LRRC4C: variants seen among roughly 807,000 people sequenced by gnomAD.
LRRC4C encodes the protein leucine rich repeat containing 4C, also known as leucine-rich repeat-containing protein 4C.
LRRC4C carries 5 observed loss-of-function variants against 33.6 expected under a neutral mutation model. The ratio of observed to expected loss-of-function variants is 0.15; its 90% CI spans 0.08 to 0.31. LRRC4C has a LOEUF of 0.31. Ranked by LOEUF, LRRC4C falls within the 10% of genes least tolerant of loss-of-function variation. The pLI, the probability that LRRC4C is intolerant of heterozygous loss-of-function variation, is 1.00. For missense variants in LRRC4C, 560 were observed against 796.7 expected (o/e 0.70, Z 3.58); for synonymous variants, 329 against 302.0 (o/e 1.09, Z -0.93).
At chr11:41,301,690 T>C (rs1447125) in intron 1 of LRRC4C, among the ~76,000 whole-genome samples, 109,783 of 152,014 alleles carry the variant, frequency 0.72, 40,560 homozygotes, top group Admixed American at 0.82. Context: ...CATCTTTTTA[T>C]GACTTTCATG....
chr11:40,539,133 G>A (rs142224817), intron 3 of LRRC4C, among the ~76,000 whole-genome samples: 2 of 152,218 alleles, frequency 1.3e-5, no homozygotes, highest in Non-Finnish European at 2.9e-5. Context: ...TAAATATGAT[G>A]CTGCTAATGT....
intron 2 of LRRC4C, among the ~76,000 whole-genome samples, chr11:40,786,535 T>C (rs192832837): frequency 6.6e-6 from 1 of 152,252 alleles, no homozygotes; most frequent in African/African-American, 2.4e-5. Context: ...TAAACGTATA[T>C]CATATACCTC....
At chr11:40,271,168 T>G (rs1000346213) in intron 4 of LRRC4C, among the ~76,000 whole-genome samples, 2 of 152,160 alleles carry the variant, frequency 1.3e-5, no homozygotes, top group African/African-American at 4.8e-5. Context: ...TAAGAAAATG[T>G]AACTGGTCTC....
At chr11:40,161,645 C>G (rs917098970) in intron 5 of LRRC4C, among the ~76,000 whole-genome samples, 14 of 152,140 alleles carry the variant, frequency 9.2e-5, no homozygotes, top group African/African-American at 3.4e-4. Context: ...GTCCTAACTA[C>G]TCGGGAGGCT....
At chr11:40,144,090 AT>A (rs1247244950) in intron 5 of LRRC4C, among the ~76,000 whole-genome samples, 10 of 152,182 alleles carry the variant, frequency 6.6e-5, no homozygotes, top group African/African-American at 1.2e-4. Context: ...AAGTTATATA[AT>A]TTTTTTAGGT....
intron 5 of LRRC4C, among the ~76,000 whole-genome samples, chr11:40,157,941 A>C (rs958273765): frequency 2.6e-5 from 4 of 152,192 alleles, no homozygotes; most frequent in African/African-American, 9.6e-5. Context: ...AGAAGTCATT[A>C]TTTGAAAAAG....
chr11:40,543,994 T>C (rs1456433419), intron 3 of LRRC4C, among the ~76,000 whole-genome samples: 1 of 152,090 alleles, frequency 6.6e-6, no homozygotes, highest in African/African-American at 2.4e-5. Context: ...TCAGCATCTA[T>C]ATATAGACGG....
intron 3 of LRRC4C, among the ~76,000 whole-genome samples, chr11:40,464,730 C>G (rs577289159): frequency 6.6e-6 from 1 of 151,836 alleles, no homozygotes; most frequent in African/African-American, 2.4e-5. Context: ...TTAATAATAG[C>G]TACCAGTAAA....
intron 3 of LRRC4C, among the ~76,000 whole-genome samples, chr11:40,452,334 G>GA (rs1029175345): frequency 3.3e-5 from 5 of 151,776 alleles, no homozygotes; most frequent in South Asian, 4.2e-4. Context: ...AAATTTACAA[G>GA]AAAAAAACAA....
At chr11:40,834,122 A>T (rs1952546221) in intron 2 of LRRC4C, among the ~76,000 whole-genome samples, 1 of 152,164 alleles carries the variant, frequency 6.6e-6, no homozygotes, top group Non-Finnish European at 1.5e-5. Flanking sequence ...AGTTAAAAAA[A>T]ATAATCTCAC....
At chr11:41,141,104 G>T (rs1310928123) in intron 1 of LRRC4C, among the ~76,000 whole-genome samples, 2 of 152,080 alleles carry the variant, frequency 1.3e-5, no homozygotes, top group Non-Finnish European at 2.9e-5. Context: ...GCAGCTAAAT[G>T]CAACTTCAAA....
At chr11:40,796,651 T>TA (rs1950841096) in intron 2 of LRRC4C, among the ~76,000 whole-genome samples, 1 of 133,002 alleles carries the variant, frequency 7.5e-6, no homozygotes, top group African/African-American at 3.4e-5. Context: ...TTTTTTTTTT[T>TA]TTTTTTTTAT....
chr11:40,655,763 C>T (rs1433408260), intron 2 of LRRC4C, among the ~76,000 whole-genome samples: 2 of 152,088 alleles, frequency 1.3e-5, no homozygotes, highest in Non-Finnish European at 1.5e-5. Context: ...GTGTATTAGT[C>T]TATTCTCACA....
intron 1 of LRRC4C, among the ~76,000 whole-genome samples, chr11:41,141,085 T>G (rs558834285): frequency 4.0e-4 from 61 of 152,292 alleles, no homozygotes; most frequent in Non-Finnish European, 6.5e-4. Context: ...TCATTGGTTA[T>G]CAATAACAGC....
intron 1 of LRRC4C, among the ~76,000 whole-genome samples, chr11:41,407,791 G>A (rs1954299125): frequency 6.6e-6 from 1 of 152,164 alleles, no homozygotes; most frequent in Admixed American, 6.5e-5. Flanking sequence ...ACTTGGCAGA[G>A]CACATGTCTC....
At chr11:40,557,679 CGTGTGTGTGT>C (rs35856491) in intron 3 of LRRC4C, among the ~76,000 whole-genome samples, 11 of 149,370 alleles carry the variant, frequency 7.4e-5, no homozygotes, top group Non-Finnish European at 1.3e-4. Flanking sequence ...TCTATAGAGG[CGTGTGTGTGT>C]GTGTGTGTGT....
chr11:40,475,304 A>C (rs1275717323), intron 3 of LRRC4C, among the ~76,000 whole-genome samples: 4 of 152,132 alleles, frequency 2.6e-5, no homozygotes, highest in African/African-American at 7.2e-5. Context: ...TTTTGCAGGG[A>C]GATGGATGAA....
chr11:40,186,085 G>A (rs1422738158), intron 5 of LRRC4C, among the ~76,000 whole-genome samples: 1 of 152,116 alleles, frequency 6.6e-6, no homozygotes, highest in Non-Finnish European at 1.5e-5. Context: ...CTAGGAAGAC[G>A]GCACCTTGAT....
At chr11:40,411,304 G>C (rs1950148109) in intron 3 of LRRC4C, among the ~76,000 whole-genome samples, 2 of 152,074 alleles carry the variant, frequency 1.3e-5, no homozygotes, top group Admixed American at 6.6e-5. Context: ...TGTAGTCACA[G>C]AGTTGAGATT....
Sources: allele counts gnomAD v4.1 joint callset (sites outside exome capture counted in the v4.1 genomes callset), GRCh38; gene constraint gnomAD v4.1.1; transcripts MANE v1.5; gene names NCBI Gene and HGNC (gene_info 2026-07-23, HGNC 2026-07-21).